The following SENP5 variants were observed in gnomAD, a reference collection of about 807,000 sequenced individuals.
The protein encoded by SENP5 is sentrin-specific protease 5.
In SENP5, 21 loss-of-function variants were observed where a neutral mutation model predicts 74.2. That is an observed-to-expected ratio of 0.28 (90% CI 0.20 to 0.41). The LOEUF (loss-of-function observed/expected upper bound fraction) is 0.41. Ranked by LOEUF, SENP5 falls within the 10% of genes least tolerant of loss-of-function variation. SENP5 has a pLI of 1.00. For missense variants in SENP5, 717 were observed against 889.1 expected (o/e 0.81, Z 2.46); for synonymous variants, 311 against 312.7 (o/e 0.99, Z 0.06).
intron 6 of SENP5, among the ~76,000 whole-genome samples, chr3:196,906,928 A>G (rs1249805910): frequency 6.6e-6 from 1 of 152,222 alleles, no homozygotes; most frequent in East Asian, 1.9e-4. Flanking sequence ...TTGAAGTAGA[A>G]TGATAGCAGG....
At chr3:196,896,107 A>G (rs1714430065) in intron 2 of SENP5, among the ~76,000 whole-genome samples, 1 of 152,100 alleles carries the variant, frequency 6.6e-6, no homozygotes, top group Non-Finnish European at 1.5e-5. Flanking sequence ...TTTCTGAGTA[A>G]AATAAATTGT....
At chr3:196,914,098 G>A (rs1322249629) in intron 6 of SENP5, 2 of 152,038 alleles carry the variant, frequency 1.3e-5, no homozygotes, top group East Asian at 3.9e-4. Context: ...GTAAATTAGG[G>A]GAAATTTTAG....
At chr3:196,887,154 T>A (rs1470087036) in intron 2 of SENP5, among the ~76,000 whole-genome samples, 1 of 152,066 alleles carries the variant, frequency 6.6e-6, no homozygotes, top group Non-Finnish European at 1.5e-5. Flanking sequence ...ATTGGCCACT[T>A]TTTTGTATGT....
intron 7 of SENP5, among the ~76,000 whole-genome samples, 153 bp from the exon 8 acceptor site, chr3:196,927,636 TAAAAAAA>T (rs10663759): frequency 7.4e-6 from 1 of 136,040 alleles, no homozygotes; most frequent in Non-Finnish European, 1.6e-5. Context: ...ATCCTCTCTT[TAAAAAAA>T]AAAAAAAAAA....
At chr3:196,872,766 A>G (rs971726522) in intron 1 of SENP5, among the ~76,000 whole-genome samples, 3 of 152,178 alleles carry the variant, frequency 2.0e-5, no homozygotes, top group African/African-American at 7.2e-5. Flanking sequence ...CAAGTGCTCA[A>G]TGGCCACATT....
Position 196,934,512 on chromosome 3 carries a change from TTAAGACGGCCCAGGGAA to T in SENP5, c.*3592_*3608del, listed in dbSNP as rs1716170322. 3.9e-5 allele frequency: 6 copies of T among 152,322 alleles called. No individual in the cohort carries two copies. Among genetic ancestry groups the T allele is most frequent in the Admixed American group, 3.9e-4 (6 of 15,300 alleles). The allele number at this position is 152,322 out of a possible 1,614,324, so 9.4% of individuals were successfully genotyped here. ...GCTTTGCCTCCTGGCCTCTAGATAA[TTAAGACGGCCCAGGGAA>T]TACCAGCAGAGAAGTGCTAATTGTA... is the stretch of plus-strand genomic sequence containing the variant. On this transcript the variant is annotated 3_prime_UTR_variant, in exon 10 of 10. Transcript: ENST00000323460.
In SENP5 at chr3:196,923,538, A is replaced by G; in HGVS notation, c.2009A>G (p.Lys670Arg). Reference sequence around the variant, plus strand: ...TATGATTCCCAAGGCATTCATTTTAAGTTTTGTGTAGAGGTAAGTTAATAT... The same window carrying G: ...TATGATTCCCAAGGCATTCATTTTAGGTTTTGTGTAGAGGTAAGTTAATAT... ...SFYDSQGIHF[K>R]FCVENIRKYL... The change falls in exon 7 of 10, where the codon AAG becomes AGG. Residue 670 changes from lysine to arginine, a missense_variant. Transcript: ENST00000323460. 2 of 1,603,296 alleles carry G rather than the reference A, an allele frequency of 1.2e-6. No individual in the cohort carries two copies. Among genetic ancestry groups the G allele is most frequent in the Non-Finnish European group, 1.7e-6 (2 of 1,174,026 alleles).
chr3:196,916,048 G>A (rs570772423), intron 6 of SENP5, among the ~76,000 whole-genome samples: 2 of 152,308 alleles, frequency 1.3e-5, no homozygotes, highest in African/African-American at 2.4e-5. Context: ...AGGAAGGCTG[G>A]GCACCTTGGG....
intron 7 of SENP5, 73 bp from the exon 8 acceptor site, chr3:196,927,723 C>T (rs1715871685): frequency 2.5e-6 from 2 of 811,756 alleles, no homozygotes; most frequent in Non-Finnish European, 4.2e-6. Context: ...TTCCTTCTGT[C>T]TGCTATGGGC....
chr3:196,898,616 T>G (rs1361315816), intron 2 of SENP5, among the ~76,000 whole-genome samples: 2 of 151,578 alleles, frequency 1.3e-5, no homozygotes, highest in Non-Finnish European at 2.9e-5. Context: ...ATTTACTGTC[T>G]TAAAATGTGC....
intron 8 of SENP5, among the ~76,000 whole-genome samples, chr3:196,928,834 A>G (rs575639052): frequency 6.6e-6 from 1 of 152,326 alleles, no homozygotes; most frequent in South Asian, 2.1e-4. Flanking sequence ...TGGGTATTCT[A>G]AATTTAGTCA....
intron 7 of SENP5, among the ~76,000 whole-genome samples, chr3:196,925,235 A>G (rs1223663386): frequency 6.6e-6 from 1 of 152,184 alleles, no homozygotes; most frequent in Non-Finnish European, 1.5e-5. Flanking sequence ...TTAAAAATTA[A>G]GTATAATGCA....
chr3:196,873,797 C>T (rs1382716614), intron 1 of SENP5, among the ~76,000 whole-genome samples: 3 of 152,092 alleles, frequency 2.0e-5, no homozygotes, highest in Non-Finnish European at 4.4e-5. Context: ...TGAGATGTGC[C>T]ACTGCACTAT....
chr3:196,907,991 T>C (rs1415159579), intron 6 of SENP5, among the ~76,000 whole-genome samples: 1 of 152,174 alleles, frequency 6.6e-6, no homozygotes, highest in Non-Finnish European at 1.5e-5. Context: ...TTAAAGAGGC[T>C]GGGCGCTGTG....
chr3:196,907,623 A>T (rs1714957456), intron 6 of SENP5, among the ~76,000 whole-genome samples: 1 of 152,116 alleles, frequency 6.6e-6, no homozygotes, highest in Admixed American at 6.6e-5. Context: ...ATAATAAACT[A>T]AATTATTCCT....
chr3:196,916,627 A>AG lies in SENP5; in HGVS notation c.1885-6785dup, dbSNP rs1715389032. 2.6e-5 allele frequency among the ~76,000 whole-genome samples: 4 copies of AG among 151,502 alleles called. No homozygotes were observed. In the South Asian group the frequency reaches 8.4e-4, roughly 32 times the overall value. ...ACTGCAACCTCCATCTCCCAGGTTC[A>AG]GGCAATTCTCCTGCCTCAGCCTCCT... On this transcript the variant is annotated intron_variant, in intron 6 of 9. Transcript: ENST00000323460.
intron 6 of SENP5, among the ~76,000 whole-genome samples, chr3:196,911,574 G>C (rs1715131075): frequency 6.7e-6 from 1 of 148,466 alleles, no homozygotes; most frequent in Non-Finnish European, 1.5e-5. Flanking sequence ...AAAAAAAAAG[G>C]ACATTTATGT....
intron 1 of SENP5, among the ~76,000 whole-genome samples, chr3:196,883,280 T>C (rs988045343): frequency 5.3e-5 from 8 of 152,176 alleles, no homozygotes; most frequent in Non-Finnish European, 1.2e-4. Flanking sequence ...TTCAGACTTA[T>C]TTTGTTGTGA....
intron 8 of SENP5, 163 bp from the exon 9 acceptor site, chr3:196,929,470 C>T: frequency 1.8e-6 from 1 of 543,704 alleles, no homozygotes; most frequent in South Asian, 2.6e-5. Context: ...TTTATGTGGC[C>T]AGGTGCCTCC....
Sources: allele counts gnomAD v4.1 joint callset (sites outside exome capture counted in the v4.1 genomes callset), GRCh38; gene constraint gnomAD v4.1.1; transcripts MANE v1.5; gene names NCBI Gene and HGNC (gene_info 2026-07-23, HGNC 2026-07-21).